The following COLEC12 variants were observed in gnomAD, a reference collection of about 807,000 sequenced individuals.
COLEC12 encodes collectin subfamily member 12, also known as collectin-12.
Under a neutral mutation model 71.1 loss-of-function variants are expected in COLEC12, and 33 were observed. The ratio of observed to expected loss-of-function variants is 0.46; its 90% CI spans 0.35 to 0.62. The LOEUF is 0.62. Ranked by LOEUF, COLEC12 falls within the 20% of genes least tolerant of loss-of-function variation. The pLI, the probability that COLEC12 is intolerant of heterozygous loss-of-function variation, is 0.00. For synonymous variants in COLEC12, 350 were observed against 353.0 expected (o/e 0.99, Z 0.10); for missense variants, 765 against 916.1 (o/e 0.84, Z 2.13).
intron 2 of COLEC12, among the ~76,000 whole-genome samples, chr18:459,019 G>A (rs905282633): frequency 6.6e-6 from 1 of 152,140 alleles, no homozygotes. Flanking sequence ...ATTTTCTGTA[G>A]AGATGGGGAC....
intron 3 of COLEC12, among the ~76,000 whole-genome samples, chr18:348,971 T>C (rs945562573): frequency 3.9e-5 from 6 of 151,906 alleles, no homozygotes; most frequent in African/African-American, 7.3e-5. Flanking sequence ...ATAATGGGGG[T>C]GGTTTCCCCT....
chr18:331,785 A>G lies in COLEC12; in HGVS notation c.1954-8T>C, dbSNP rs1022203711. The G allele has an allele frequency of 1.5e-5, 24 of 1,561,368 alleles. No individual in the cohort carries two copies. In the Admixed American group the frequency reaches 2.2e-4, roughly 14 times the overall value. On this transcript the variant is annotated splice_polypyrimidine_tract_variant and splice_region_variant and intron_variant, in intron 7 of 9. Transcript: ENST00000400256. ...CTGTTTTTTTATCCATTGCTGAAAA[A>G]CAAAGCAGGGGTGGTGCGTGACTAT...
At chr18:486,255 A>G (rs1373034555) in intron 1 of COLEC12, among the ~76,000 whole-genome samples, 1 of 152,084 alleles carries the variant, frequency 6.6e-6, no homozygotes, top group Non-Finnish European at 1.5e-5. Context: ...GAACCATCTC[A>G]GCTCACTGCA....
At chr18:450,627 C>A (rs1598368098) in intron 2 of COLEC12, among the ~76,000 whole-genome samples, 1 of 152,308 alleles carries the variant, frequency 6.6e-6, no homozygotes, top group East Asian at 1.9e-4. Flanking sequence ...TCAGGTATTT[C>A]TTTATAGTAG....
intron 1 of COLEC12, among the ~76,000 whole-genome samples, chr18:492,724 A>G (rs1386570755): frequency 1.3e-5 from 2 of 152,218 alleles, no homozygotes; most frequent in Non-Finnish European, 2.9e-5. Context: ...TGGTTTAAAA[A>G]TAACACCGAT....
chr18:334,947 G>A lies in COLEC12; in HGVS notation c.1611C>T (p.Leu537=), dbSNP rs934053602. The A allele has an allele frequency of 1.3e-6, 2 of 1,571,948 alleles. No homozygotes were observed. Among genetic ancestry groups the A allele is most frequent in the South Asian group, 1.2e-5 (1 of 85,426 alleles). Reference sequence around the variant, plus strand: ...AGCCAGGAGGGCCCTGAGGGCCGGGGAGTCCCTCTTTGCCTGGTGGGCCCG... The same window carrying A: ...AGCCAGGAGGGCCCTGAGGGCCGGGAAGTCCCTCTTTGCCTGGTGGGCCCG... ...GPPGPPGKEG[L]PGPQGPPGFQ... Residue 537 remains leucine (L), a synonymous_variant, in exon 6 of 10, where the codon CTC becomes CTT. Transcript: ENST00000400256.
At chr18:345,772 T>C (rs1211300769) in intron 5 of COLEC12, among the ~76,000 whole-genome samples, 3 of 152,256 alleles carry the variant, frequency 2.0e-5, no homozygotes, top group Non-Finnish European at 2.9e-5. Flanking sequence ...TTAAGTACTG[T>C]CCACAGATTC....
At chr18:361,834 G>A (rs1394614064) in intron 2 of COLEC12, among the ~76,000 whole-genome samples, 2 of 152,300 alleles carry the variant, frequency 1.3e-5, no homozygotes, top group East Asian at 3.9e-4. Context: ...TCCCATGGCT[G>A]ATGGGCGGGT....
chr18:455,612 C>T (rs555780319), intron 2 of COLEC12, among the ~76,000 whole-genome samples: 24 of 152,054 alleles, frequency 1.6e-4, no homozygotes, highest in Non-Finnish European at 2.4e-4. Context: ...GCCCTGCATG[C>T]ATTAGGTATT....
At chr18:386,418 T>C (rs1203253067) in intron 2 of COLEC12, among the ~76,000 whole-genome samples, 1 of 152,208 alleles carries the variant, frequency 6.6e-6, no homozygotes, top group Non-Finnish European at 1.5e-5. Flanking sequence ...ATCAGCATTA[T>C]CTGGAATATT....
chr18:411,040 C>T (rs1489446893), intron 2 of COLEC12, among the ~76,000 whole-genome samples: 1 of 152,104 alleles, frequency 6.6e-6, no homozygotes, highest in Non-Finnish European at 1.5e-5. Flanking sequence ...AATGGAGCCA[C>T]CCCTACTGCG....
intron 2 of COLEC12, among the ~76,000 whole-genome samples, chr18:389,105 G>A (rs1373542028): frequency 6.6e-6 from 1 of 152,036 alleles, no homozygotes; most frequent in African/African-American, 2.4e-5. Flanking sequence ...ATAGCATTCA[G>A]CTAAAGTAAT....
At chr18:458,444 TGAG>T (rs528294950) in intron 2 of COLEC12, among the ~76,000 whole-genome samples, 141 of 152,338 alleles carry the variant, frequency 9.3e-4, no homozygotes, top group Non-Finnish European at 1.7e-3. Flanking sequence ...GTGGGTGGGC[TGAG>T]GAGGGGAGAG....
intron 2 of COLEC12, among the ~76,000 whole-genome samples, chr18:373,994 A>G (rs765436060): frequency 1.3e-5 from 2 of 152,194 alleles, no homozygotes; most frequent in Admixed American, 6.5e-5. Context: ...TCCAGGGGAT[A>G]AGGGGCTTCC....
intron 2 of COLEC12, among the ~76,000 whole-genome samples, chr18:469,610 A>C (rs1567917732): frequency 2.0e-5 from 3 of 152,130 alleles, no homozygotes; most frequent in Non-Finnish European, 4.4e-5. Context: ...GAAGGCCTGC[A>C]TCTCTTCCCC....
At chr18:380,325 C>A (rs9951160) in intron 2 of COLEC12, among the ~76,000 whole-genome samples, 2,005 of 152,232 alleles carry the variant, frequency 0.013, 48 homozygotes, top group African/African-American at 0.043. Flanking sequence ...TCCCCTACCT[C>A]CTTGCCTGGC....
intron 2 of COLEC12, among the ~76,000 whole-genome samples, chr18:461,948 G>A (rs1345342149): frequency 6.6e-6 from 1 of 152,182 alleles, no homozygotes; most frequent in Non-Finnish European, 1.5e-5. Context: ...TAATGAGATG[G>A]AAATGAATGA....
intron 7 of COLEC12, among the ~76,000 whole-genome samples, 162 bp downstream of exon 7, chr18:332,845 C>T (rs373721067): frequency 6.6e-6 from 1 of 152,356 alleles, no homozygotes; most frequent in East Asian, 1.9e-4. Flanking sequence ...GCCACGAATG[C>T]TTCTAGCCAC....
At chr18:451,383 T>G (rs1916757636) in intron 2 of COLEC12, among the ~76,000 whole-genome samples, 1 of 152,128 alleles carries the variant, frequency 6.6e-6, no homozygotes, top group Non-Finnish European at 1.5e-5. Flanking sequence ...TGGAAGAAAC[T>G]TCAAAGCAGC....
Sources: allele counts gnomAD v4.1 joint callset (sites outside exome capture counted in the v4.1 genomes callset), GRCh38; gene constraint gnomAD v4.1.1; transcripts MANE v1.5; gene names NCBI Gene and HGNC (gene_info 2026-07-23, HGNC 2026-07-21).